ATG7: variants seen among roughly 807,000 people sequenced by gnomAD.
ATG7 encodes ubiquitin-like modifier-activating enzyme ATG7.
Under a neutral mutation model 82.4 loss-of-function variants are expected in ATG7, and 70 were observed. The ratio of observed to expected loss-of-function variants is 0.85; its 90% confidence interval spans 0.70 to 1.04. The LOEUF (loss-of-function observed/expected upper bound fraction) is 1.04, where lower values mean the gene tolerates loss of function less well. Ranked by LOEUF, ATG7 falls within the 50% of genes least tolerant of loss-of-function variation. The pLI, the probability that ATG7 is intolerant of heterozygous loss-of-function variation, is 0.00. For missense variants in ATG7, 792 were observed against 864.3 expected (o/e 0.92, Z 1.05); for synonymous variants, 287 against 313.0 (o/e 0.92, Z 0.88).
chr3:11,570,426 G>A, the ATG7 span, among the ~76,000 whole-genome samples: 1 of 152,344 alleles, frequency 6.6e-6, no homozygotes, highest in South Asian at 2.1e-4. Context: ...CAGTCAGTAA[G>A]CTTCTGAAGC....
intron 19 of ATG7, among the ~76,000 whole-genome samples, chr3:11,422,526 A>C (rs1276632005): frequency 6.6e-6 from 1 of 151,934 alleles, no homozygotes; most frequent in Non-Finnish European, 1.5e-5. Context: ...CCTTAAGGGG[A>C]TATTGTGGCT....
At chr3:11,330,046 G>A (rs1951426515) in intron 9 of ATG7, among the ~76,000 whole-genome samples, 1 of 152,066 alleles carries the variant, frequency 6.6e-6, no homozygotes. Context: ...TTTGTCTGAT[G>A]TTTTCTTGTG....
In ATG7 at chr3:11,414,711, T is replaced by G. The variant is rs368331681; in HGVS notation, c.1957-12093T>G. 4.9e-4 allele frequency among the ~76,000 whole-genome samples: 74 copies of G among 152,338 alleles called. 1 individual carries two copies. Among genetic ancestry groups the G allele is most frequent in the African/African-American group, 1.7e-3 (71 of 41,580 alleles). Reference sequence around the variant, plus strand: ...CTTAGATGTAGAGATTTTGTGGATGTTCTTTATCAAGTTGAAGTTTCCCTC... The same window carrying G: ...CTTAGATGTAGAGATTTTGTGGATGGTCTTTATCAAGTTGAAGTTTCCCTC... On this transcript the variant is annotated intron_variant, in intron 19 of 20. Transcript: ENST00000693202.
rs750222649 is a variant in ATG7, at chr3:11,307,015, C to G, written c.288C>G (p.Phe96Leu). Residue 96 changes from phenylalanine (F) to leucine (L), a missense_variant, in exon 6 of 21, where the codon TTC becomes TTG. Coordinates refer to ENST00000693202, the MANE Select transcript of ATG7 (RefSeq NM_001349232.2). ...ATAACACCAACACACTCGAGTCTTT[C>G]AAGACTGCAGATAAGAAGCTCCTTT... Reference protein sequence around the residue: ...TLYNTNTLESFKTADKKLLLE... With the variant: ...TLYNTNTLESLKTADKKLLLE... The G allele has an allele frequency of 6.2e-7, 1 of 1,613,928 alleles. No homozygotes were observed. Among genetic ancestry groups the G allele is most frequent in the African/African-American group, 1.3e-5 (1 of 74,890 alleles).
chr3:11,553,590 G>A (rs1332881876), intron 20 of ATG7, among the ~76,000 whole-genome samples: 1 of 152,232 alleles, frequency 6.6e-6, no homozygotes, highest in East Asian at 1.9e-4. Context: ...AGCTCGGTGG[G>A]GACCTGACCC....
chr3:11,553,383 T>A (rs1230496352), intron 20 of ATG7, among the ~76,000 whole-genome samples: 1 of 150,260 alleles, frequency 6.7e-6, no homozygotes, highest in South Asian at 2.2e-4. Context: ...GAATGTGTGT[T>A]CGTTGAATGG....
chr3:11,422,166 G>C (rs2081988514), intron 19 of ATG7, among the ~76,000 whole-genome samples: 1 of 152,198 alleles, frequency 6.6e-6, no homozygotes, highest in South Asian at 2.1e-4. Context: ...GACCAAGGGA[G>C]TCAGCCTATT....
At chr3:11,561,921 AC>A (rs1461006908), downstream of ATG7, among the ~76,000 whole-genome samples, 6 of 134,656 alleles carry the variant, frequency 4.5e-5, no homozygotes, top group Non-Finnish European at 7.9e-5. Flanking sequence ...TTTTTTAAAG[AC>A]AAAGTCTCAC....
At chr3:11,369,513 C>T (rs1035563173) in intron 18 of ATG7, among the ~76,000 whole-genome samples, 1 of 151,122 alleles carries the variant, frequency 6.6e-6, no homozygotes, top group African/African-American at 2.4e-5. Flanking sequence ...CAAGATCACC[C>T]AGTGTTGAGT....
chr3:11,324,092 T>C (rs968285596), intron 9 of ATG7, among the ~76,000 whole-genome samples: 1 of 152,240 alleles, frequency 6.6e-6, no homozygotes, highest in African/African-American at 2.4e-5. Flanking sequence ...GAAAGGAACA[T>C]TTATTTCATA....
At chr3:11,560,903 G>A (rs867815423), downstream of ATG7, among the ~76,000 whole-genome samples, 1 of 152,186 alleles carries the variant, frequency 6.6e-6, no homozygotes, top group African/African-American at 2.4e-5. Context: ...TCACAATGCT[G>A]AGCAGACAGG....
intron 1 of ATG7, among the ~76,000 whole-genome samples, chr3:11,274,776 C>T (rs993157960): frequency 5.3e-5 from 8 of 151,780 alleles, no homozygotes; most frequent in African/African-American, 1.2e-4. Context: ...AAAAACTGTA[C>T]GAGGTGATAT....
intron 19 of ATG7, among the ~76,000 whole-genome samples, chr3:11,406,751 A>G (rs972479264): frequency 2.6e-5 from 4 of 152,184 alleles, no homozygotes; most frequent in Non-Finnish European, 5.9e-5. Flanking sequence ...TTGTGCAGAG[A>G]AACTCCCATT....
intron 20 of ATG7, among the ~76,000 whole-genome samples, chr3:11,442,721 AG>A (rs1332795477): frequency 8.0e-6 from 1 of 124,782 alleles, no homozygotes; most frequent in African/African-American, 3.0e-5. Flanking sequence ...TGGGCAGCAT[AG>A]TGAGACTCCA....
chr3:11,508,385 AT>A (rs2091863637), intron 20 of ATG7, among the ~76,000 whole-genome samples: 1 of 152,120 alleles, frequency 6.6e-6, no homozygotes. Flanking sequence ...AAGTTTACAA[AT>A]TTGTGTTGGG....
intron 20 of ATG7, among the ~76,000 whole-genome samples, chr3:11,539,217 A>G (rs1397406142): frequency 1.3e-5 from 2 of 152,128 alleles, no homozygotes; most frequent in Admixed American, 6.5e-5. Flanking sequence ...AACTCATTTC[A>G]TGGTCACAAC....
chr3:11,402,182 C>A (rs2079899474), intron 19 of ATG7, among the ~76,000 whole-genome samples: 2 of 152,172 alleles, frequency 1.3e-5, no homozygotes, highest in South Asian at 4.1e-4. Flanking sequence ...CCTGTAATCT[C>A]AGCATTTGGG....
At chr3:11,451,872 CACACACACACACAG>C (rs1188832437) in intron 20 of ATG7, among the ~76,000 whole-genome samples, 8 of 138,726 alleles carry the variant, frequency 5.8e-5, no homozygotes, top group African/African-American at 2.2e-4. Flanking sequence ...CCTTTACATA[CACACACACACACAG>C]ACACACACAC....
At chr3:11,507,282 A>T (rs2091786140) in intron 20 of ATG7, among the ~76,000 whole-genome samples, 1 of 152,242 alleles carries the variant, frequency 6.6e-6, no homozygotes, top group South Asian at 2.1e-4. Flanking sequence ...ACTCCATCTC[A>T]AAATAAATAA....
Sources: gnomAD v4.1 joint callset for allele counts (sites outside exome capture counted in the v4.1 genomes callset) on GRCh38, gnomAD v4.1.1 for gene constraint, MANE v1.5 for transcripts, NCBI Gene and HGNC (gene_info 2026-07-23, HGNC 2026-07-21) for gene names.